The following RYR2 variants were observed in gnomAD, a reference collection of about 807,000 sequenced individuals.
The protein encoded by RYR2 is ryanodine receptor 2.
RYR2 carries 227 observed loss-of-function variants against 601.1 expected under a neutral mutation model. The ratio of observed to expected loss-of-function variants is 0.38; its 90% CI spans 0.34 to 0.42. The LOEUF (loss-of-function observed/expected upper bound fraction) is 0.42, where lower values mean the gene tolerates loss of function less well. Ranked by LOEUF, RYR2 falls within the 10% of genes least tolerant of loss-of-function variation. The pLI is 1.00. For missense variants in RYR2, 4,646 were observed against 6,156.5 expected (o/e 0.75, Z 8.21); for synonymous variants, 2,223 against 2,175.1 (o/e 1.02, Z -0.61).
intron 101 of RYR2, among the ~76,000 whole-genome samples, chr1:237,824,353 G>A (rs1227388317): frequency 6.6e-6 from 1 of 152,060 alleles, no homozygotes; most frequent in Admixed American, 6.5e-5. Context: ...TTCATCCCTG[G>A]GATGCAAGGC....
intron 24 of RYR2, among the ~76,000 whole-genome samples, chr1:237,515,541 C>T (rs1203650240): frequency 6.6e-6 from 1 of 152,040 alleles, no homozygotes; most frequent in African/African-American, 2.4e-5. Context: ...AGACAAATAA[C>T]TGATAAGGGG....
intron 1 of RYR2, among the ~76,000 whole-genome samples, chr1:237,052,712 T>C (rs1160463162): frequency 7.2e-5 from 11 of 152,098 alleles, no homozygotes; most frequent in South Asian, 2.1e-4. Flanking sequence ...GTTTTTTTTT[T>C]CCTCTCCTTT....
intron 40 of RYR2, among the ~76,000 whole-genome samples, chr1:237,626,204 T>G (rs1679626975): frequency 6.6e-6 from 1 of 152,220 alleles, no homozygotes; most frequent in Non-Finnish European, 1.5e-5. Context: ...ATTTTGGTTC[T>G]GAAATATTTC....
At chr1:237,579,256 T>C (rs1032278555) in intron 29 of RYR2, among the ~76,000 whole-genome samples, 30,235 of 126,024 alleles carry the variant, frequency 0.24, 2,856 homozygotes, top group East Asian at 0.52. Context: ...TTCTTTTTTT[T>C]TTTTTTTTTT....
intron 29 of RYR2, among the ~76,000 whole-genome samples, chr1:237,582,952 G>T (rs533404882): frequency 1.7e-5 from 2 of 121,024 alleles, no homozygotes; most frequent in Non-Finnish European, 3.9e-5. Context: ...CCAGTAATGG[G>T]ATTGCTAGGT....
chr1:237,824,541 A>G (rs1662880037), intron 101 of RYR2, among the ~76,000 whole-genome samples: 1 of 127,258 alleles, frequency 7.9e-6, no homozygotes, highest in South Asian at 2.7e-4. Flanking sequence ...AAATAATAAG[A>G]GCTATATATG....
At chr1:237,360,228 G>T (rs1699664453) in intron 4 of RYR2, among the ~76,000 whole-genome samples, 1 of 152,156 alleles carries the variant, frequency 6.6e-6, no homozygotes, top group East Asian at 1.9e-4. Flanking sequence ...AATTTTTTAT[G>T]TGTAGGTGAT....
At chr1:237,097,841 A>G (rs1667651062) in intron 1 of RYR2, among the ~76,000 whole-genome samples, 1 of 152,104 alleles carries the variant, frequency 6.6e-6, no homozygotes. Context: ...GGAGGGAGAA[A>G]TCAAGCCTCA....
At chr1:237,142,881 A>C (rs1313940289) in intron 1 of RYR2, among the ~76,000 whole-genome samples, 2 of 152,136 alleles carry the variant, frequency 1.3e-5, no homozygotes, top group African/African-American at 4.8e-5. Flanking sequence ...CCAGCATTGC[A>C]GGTAATTTCG....
intron 1 of RYR2, among the ~76,000 whole-genome samples, chr1:237,112,389 C>T (rs900464733): frequency 2.0e-5 from 3 of 152,170 alleles, no homozygotes; most frequent in Admixed American, 2.0e-4. Context: ...GCTGGGATTA[C>T]AGGCGTGAGC....
intron 62 of RYR2, among the ~76,000 whole-genome samples, chr1:237,686,346 T>A (rs1686392626): frequency 6.6e-6 from 1 of 152,104 alleles, no homozygotes; most frequent in African/African-American, 2.4e-5. Flanking sequence ...ATGTCACTTG[T>A]ATTGGTAGAG....
intron 48 of RYR2, among the ~76,000 whole-genome samples, chr1:237,645,620 C>T (rs1462324032): frequency 6.6e-6 from 1 of 152,150 alleles, no homozygotes; most frequent in East Asian, 1.9e-4. Flanking sequence ...GAATGGGCCC[C>T]AAAGTTTCCA....
At chr1:237,532,807 T>C (rs909952061) in intron 25 of RYR2, among the ~76,000 whole-genome samples, 6 of 152,180 alleles carry the variant, frequency 3.9e-5, no homozygotes, top group Admixed American at 3.9e-4. Context: ...ATTCTATCTG[T>C]TATAAAATCT....
intron 1 of RYR2, among the ~76,000 whole-genome samples, chr1:237,202,879 C>T (rs755506009): frequency 5.3e-5 from 8 of 152,262 alleles, no homozygotes; most frequent in Non-Finnish European, 1.2e-4. Flanking sequence ...ACAATTGGAA[C>T]CAGCAACGCA....
In RYR2 at chr1:237,085,699, G is replaced by T. The variant is rs563659814; in HGVS notation, c.48+43130G>T. Among the ~76,000 whole-genome samples the T allele has an allele frequency of 5.3e-5, 8 of 152,326 alleles. No individual in the cohort carries two copies. In the East Asian group the frequency reaches 7.7e-4, roughly 15 times the overall value. ...GGGGCCTGGAATCCTGGGAACTTGAGGGGGAGAAGAGAGCTATTCAGACAG... is the reference window on the plus strand; with the variant it reads ...GGGGCCTGGAATCCTGGGAACTTGATGGGGAGAAGAGAGCTATTCAGACAG... On this transcript the variant is annotated intron_variant, in intron 1 of 104. Coordinates refer to ENST00000366574, the MANE Select transcript of RYR2 (RefSeq NM_001035.3).
At chr1:237,782,570 T>C (rs12737847) in intron 89 of RYR2, among the ~76,000 whole-genome samples, 13,220 of 152,210 alleles carry the variant, frequency 0.087, 801 homozygotes, top group African/African-American at 0.18. Flanking sequence ...CCTTAGTCGG[T>C]GGCAACAGTA....
At chr1:237,083,071 TG>T (rs1665918865) in intron 1 of RYR2, among the ~76,000 whole-genome samples, 1 of 152,192 alleles carries the variant, frequency 6.6e-6, no homozygotes, top group Admixed American at 6.5e-5. Context: ...GGATGCAGTA[TG>T]GGCCCACTGT....
chr1:237,056,388 G>A (rs1157290822), intron 1 of RYR2, among the ~76,000 whole-genome samples: 1 of 144,544 alleles, frequency 6.9e-6, no homozygotes, highest in Non-Finnish European at 1.5e-5. Context: ...GTGAGGACTG[G>A]AGCACTGCAC....
At chr1:237,097,593 G>A (rs1471069563) in intron 1 of RYR2, among the ~76,000 whole-genome samples, 1 of 152,146 alleles carries the variant, frequency 6.6e-6, no homozygotes, top group Non-Finnish European at 1.5e-5. Flanking sequence ...TCCAGTATAG[G>A]AGACCAAAAT....
Sources: allele counts gnomAD v4.1 joint callset (sites outside exome capture counted in the v4.1 genomes callset), GRCh38; gene constraint gnomAD v4.1.1; transcripts MANE v1.5; gene names NCBI Gene and HGNC (gene_info 2026-07-23, HGNC 2026-07-21).